The following PRAG1 variants were observed in gnomAD, a reference collection of about 807,000 sequenced individuals.
PRAG1 encodes the protein PEAK1 related, kinase-activating pseudokinase 1.
A neutral mutation model predicts 95.6 loss-of-function variants in PRAG1; 110 were observed. That is an observed-to-expected ratio of 1.15 (90% CI 0.99 to 1.35). PRAG1 has a LOEUF of 1.35. PRAG1 is among the 40% of genes most tolerant of loss of function. The pLI, the probability that PRAG1 is intolerant of heterozygous loss-of-function variation, is 0.00. For synonymous variants in PRAG1, 1,052 were observed against 819.4 expected (o/e 1.28, Z -4.85); for missense variants, 2,554 against 1,864.7 (o/e 1.37, Z -6.81).
At chr8:8,374,004 G>C (rs1481320425) in intron 3 of PRAG1, among the ~76,000 whole-genome samples, 1 of 152,156 alleles carries the variant, frequency 6.6e-6, no homozygotes, top group African/African-American at 2.4e-5. Flanking sequence ...CTTCTCCAAG[G>C]CTCAGAGTGG....
At chr8:8,334,884 A>C (rs1585229944) in intron 4 of PRAG1, among the ~76,000 whole-genome samples, 1 of 151,932 alleles carries the variant, frequency 6.6e-6, no homozygotes, top group Non-Finnish European at 1.5e-5. Flanking sequence ...GGAGTTTGAG[A>C]CCAGCCTGGC....
chr8:8,349,059 A>G (rs1165561616), intron 3 of PRAG1, among the ~76,000 whole-genome samples: 1 of 152,230 alleles, frequency 6.6e-6, no homozygotes, highest in Non-Finnish European at 1.5e-5. Context: ...CATCAAGAAT[A>G]CCAGATTCAA....
rs1272239380 is a variant in PRAG1, at chr8:8,381,829, G to A, written c.-82C>T. 7.6e-6 allele frequency: 9 copies of A among 1,180,166 alleles called. No homozygotes were observed. Among genetic ancestry groups the A allele is most frequent in the African/African-American group, 4.7e-5 (3 of 64,416 alleles). The allele number at this position is 1,180,166 out of a possible 1,614,324, so 73.1% of individuals were successfully genotyped here. ...GGGATTCAGAGGTGGGTCACAGAGC[G>A]GCTTCCTAGAAAGGCAGGACAGTTT... On this transcript the variant is annotated 5_prime_UTR_variant, in exon 2 of 6. Coordinates refer to ENST00000615670, the MANE Select transcript of PRAG1 (RefSeq NM_001080826.3).
At chr8:8,339,657 A>T in intron 3 of PRAG1, 22 bp from the exon 4 acceptor site, 1 of 1,598,480 alleles carries the variant, frequency 6.3e-7, no homozygotes. Context: ...AGGAACAAAC[A>T]ATACAAATAA....
chr8:8,328,523 C>T, intron 4 of PRAG1, 62 bp from the exon 5 acceptor site: 3 of 1,535,952 alleles, frequency 2.0e-6, no homozygotes, highest in Non-Finnish European at 2.6e-6. Context: ...CAGGGTCCTG[C>T]AGACTTGTTT....
At chr8:8,337,492 G>C (rs1352913508) in intron 4 of PRAG1, among the ~76,000 whole-genome samples, 1 of 152,148 alleles carries the variant, frequency 6.6e-6, no homozygotes, top group Non-Finnish European at 1.5e-5. Context: ...GAGAGAAAGA[G>C]AGAGAGAGAG....
chr8:8,377,886 T>C lies in PRAG1; in HGVS notation c.523A>G (p.Ile175Val), dbSNP rs777081630. 1.9e-6 allele frequency: 3 copies of C among 1,614,074 alleles called. No individual in the cohort carries two copies. Among genetic ancestry groups the C allele is most frequent in the Non-Finnish European group, 2.5e-6 (3 of 1,179,996 alleles). The change falls in exon 3 of 6, where the codon ATT (isoleucine) becomes GTT (valine). Residue 175 changes from isoleucine to valine, a missense_variant. Physicochemically the swap from Ile to Val is conservative, Grantham distance 29. Transcript: ENST00000615670. ...HNLEPRGERN[I>V]AFHPVSFPEE... Reference sequence around the variant, plus strand: ...GGGAAGCTCACCGGGTGGAAGGCAATGTTCCTCTCGCCGCGGGGCTCAAGG... The same window carrying C: ...GGGAAGCTCACCGGGTGGAAGGCAACGTTCCTCTCGCCGCGGGGCTCAAGG...
chr8:8,338,851 G>C (rs2117144254), intron 4 of PRAG1, among the ~76,000 whole-genome samples: 1 of 152,300 alleles, frequency 6.6e-6, no homozygotes, highest in Middle Eastern at 3.4e-3. Context: ...CATACACAAA[G>C]AATGCTGAAA....
chr8:8,377,480 T>A lies in PRAG1; in HGVS notation c.929A>T (p.Glu310Val). ...GGCAGTGGGGCCCTGGCTACAGCAC[T>A]CCTTGGGGAAGCTCGGGCCCCGCTT... ...QEKRGPSFPK[E>V]CCSQGPTAHP... Residue 310 changes from glutamate (E) to valine (V), a missense_variant, in exon 3 of 6, where the codon GAG becomes GTG. By Grantham distance (121) the Glu-to-Val change is moderately radical (BLOSUM62 -2). Transcript: ENST00000615670. 6.5e-7 allele frequency: 1 copy of A among 1,549,924 alleles called. No homozygotes were observed. The highest frequency in any genetic ancestry group is 1.7e-4 in the Middle Eastern group (1 of 5,734).
At chr8:8,334,677 A>T (rs1204253192) in intron 4 of PRAG1, among the ~76,000 whole-genome samples, 1 of 149,542 alleles carries the variant, frequency 6.7e-6, no homozygotes, top group African/African-American at 2.5e-5. Context: ...AGTATCTCGA[A>T]TGCCCTGCCT....
chr8:8,367,558 T>C (rs558664582), intron 3 of PRAG1, among the ~76,000 whole-genome samples: 3 of 151,388 alleles, frequency 2.0e-5, no homozygotes, highest in Admixed American at 1.3e-4. Context: ...CTCCCTCCTT[T>C]TCTTCGTGAC....
chr8:8,376,323 A>G lies in PRAG1; in HGVS notation c.2086T>C (p.Ser696Pro), dbSNP rs760925780. 1.2e-6 allele frequency: 2 copies of G among 1,614,076 alleles called. No individual in the cohort carries two copies. Among genetic ancestry groups the G allele is most frequent in the Admixed American group, 3.3e-5 (2 of 60,010 alleles). Residue 696 changes from serine (S) to proline (P), a missense_variant, in exon 3 of 6, where the codon TCT becomes CCT. Ser to Pro is a moderately conservative substitution (Grantham distance 74, BLOSUM62 -1). Transcript: ENST00000615670. ...KVGTGMSKSA[S>P]FAFEFPKDRS... ...TCCTTGGGGAACTCAAAGGCAAAAG[A>G]GGCGGATTTGCTCATCCCGGTCCCA...
In PRAG1 at chr8:8,377,481, C is replaced by A. The variant is rs574712484; in HGVS notation, c.928G>T (p.Glu310Ter). The A allele has an allele frequency of 6.4e-7, 1 of 1,552,458 alleles. No homozygotes were observed. The highest frequency in any genetic ancestry group is 8.7e-7 in the Non-Finnish European group (1 of 1,150,014). Reference sequence around the variant, plus strand: ...GCAGTGGGGCCCTGGCTACAGCACTCCTTGGGGAAGCTCGGGCCCCGCTTC... The same window carrying A: ...GCAGTGGGGCCCTGGCTACAGCACTACTTGGGGAAGCTCGGGCCCCGCTTC... ...QEKRGPSFPK[E>*]CCSQGPTAHP... The change falls in exon 3 of 6, where the codon GAG (glutamate) becomes TAG (stop). Residue 310 changes from glutamate to a stop codon, truncating the protein, a stop_gained. Coordinates refer to ENST00000615670, the MANE Select transcript of PRAG1 (RefSeq NM_001080826.3). LOFTEE classifies it high-confidence loss of function.
chr8:8,386,080 C>G (rs779446163), intron 1 of PRAG1, among the ~76,000 whole-genome samples: 1 of 152,200 alleles, frequency 6.6e-6, no homozygotes, highest in Non-Finnish European at 1.5e-5. Flanking sequence ...TTAAAGAGCG[C>G]GATTCTCGAA....
At chr8:8,347,686 TG>T in intron 3 of PRAG1, among the ~76,000 whole-genome samples, 1 of 152,356 alleles carries the variant, frequency 6.6e-6, no homozygotes, top group East Asian at 1.9e-4. Context: ...AAGCCGACTC[TG>T]TGCCAAGCGC....
chr8:8,334,100 C>T (rs1798910427), intron 4 of PRAG1, among the ~76,000 whole-genome samples: 1 of 152,136 alleles, frequency 6.6e-6, no homozygotes, highest in Non-Finnish European at 1.5e-5. Context: ...TTGTTTGGTT[C>T]CACAGTCAGA....
intron 3 of PRAG1, among the ~76,000 whole-genome samples, chr8:8,356,889 T>G (rs1173127766): frequency 6.6e-6 from 1 of 152,090 alleles, no homozygotes; most frequent in Non-Finnish European, 1.5e-5. Flanking sequence ...ATGTATACGG[T>G]CAAATGATTT....
At chr8:8,378,357 A>T (rs1000456152) in intron 2 of PRAG1, among the ~76,000 whole-genome samples, 1 of 152,210 alleles carries the variant, frequency 6.6e-6, no homozygotes, top group African/African-American at 2.4e-5. Flanking sequence ...TCTGTGAAGT[A>T]GGAAAAGAAA....
At chr8:8,321,587 A>G (rs1032865535) in intron 5 of PRAG1, among the ~76,000 whole-genome samples, 1 of 152,226 alleles carries the variant, frequency 6.6e-6, no homozygotes, top group Non-Finnish European at 1.5e-5. Context: ...TACTGTGCCA[A>G]CTGTGAGGGT....
Sources: gnomAD v4.1 joint callset for allele counts (sites outside exome capture counted in the v4.1 genomes callset) on GRCh38, gnomAD v4.1.1 for gene constraint, MANE v1.5 for transcripts, NCBI Gene and HGNC (gene_info 2026-07-23, HGNC 2026-07-21) for gene names.